The following LACC1 variants were observed in gnomAD, a reference collection of about 807,000 sequenced individuals.
LACC1 encodes purine nucleoside phosphorylase LACC1.
A neutral mutation model predicts 34.8 loss-of-function variants in LACC1; 25 were observed. The ratio of observed to expected loss-of-function variants is 0.72; its 90% confidence interval spans 0.52 to 1.00. The LOEUF is 1.00. Among genes scored for constraint, LACC1 ranks in the 50% least tolerant of loss-of-function variants. The pLI is 0.00. For synonymous variants in LACC1, 162 were observed against 168.0 expected (o/e 0.96, Z 0.28); for missense variants, 426 against 511.2 (o/e 0.83, Z 1.61).
In LACC1 at chr13:43,893,689, G is replaced by A. The variant is rs1486218439; in HGVS notation, c.*2242G>A. ...AAAACACCTCATTTTTTCCAATTCA[G>A]GGAAGGCACTAAACATAAAGCATAG... On this transcript the variant is annotated 3_prime_UTR_variant, in exon 7 of 7. Transcript: ENST00000325686. 2 of 151,890 alleles carry A rather than the reference G, an allele frequency of 1.3e-5. No individual in the cohort carries two copies. Among genetic ancestry groups the A allele is most frequent in the Non-Finnish European group, 3.0e-5 (2 of 67,796 alleles). The allele number at this position is 151,890 out of a possible 1,614,324, so 9.4% of individuals were successfully genotyped here. A position where few individuals can be genotyped will look rare whatever the true frequency, so the allele number is the denominator to read the frequency against.
rs1202741928 is a variant in LACC1, at chr13:43,883,800, G to C, written c.771G>C (p.Met257Ile). 2.3e-5 allele frequency: 37 copies of C among 1,612,876 alleles called. No individual in the cohort carries two copies. Among genetic ancestry groups the C allele is most frequent in the Non-Finnish European group, 2.7e-5 (32 of 1,179,348 alleles). ...ATCATTCCAATGACATCTGGATTATGGGAAGAAAGGAGCCTGACTCTTATG... is the reference window on the plus strand; with the variant it reads ...ATCATTCCAATGACATCTGGATTATCGGAAGAAAGGAGCCTGACTCTTATG... ...KTHHSNDIWI[M>I]GRKEPDSYDG... Residue 257 changes from methionine (M) to isoleucine (I), a missense_variant, in exon 4 of 7, where the codon ATG becomes ATC. This residue lies in a region of LACC1 where 209 missense variants were observed against 300.3 expected (regional missense o/e 0.70). Transcript: ENST00000325686.
At chr13:43,884,041 T>G in intron 4 of LACC1, 105 bp downstream of exon 4, 1 of 859,728 alleles carries the variant, frequency 1.2e-6, no homozygotes, top group Non-Finnish European at 1.8e-6. Context: ...TACATTACAC[T>G]GTGGTAAGTG....
At position 43,880,101 on chromosome 13, in the gene LACC1, G is replaced by C. The variant is rs991364128; in HGVS notation, c.-53G>C. The C allele has an allele frequency of 6.6e-6, 1 of 152,392 alleles. No individual in the cohort carries two copies. The highest frequency in any genetic ancestry group is 2.1e-4 in the South Asian group (1 of 4,822). 9.4% of individuals were successfully genotyped at this position (152,392 alleles called of 1,614,324 possible). On this transcript the variant is annotated 5_prime_UTR_variant, in exon 1 of 7. Transcript: ENST00000325686. ...GGGCAGGTGCAGAGCCACAGCCTGC[G>C]CCCCGTGAGCCGAGGCGGGTAGGAG...
Position 43,891,613 on chromosome 13 carries a change from A to C in LACC1, c.*166A>C. ...TTCAAAGCCAAATGATTTTCATTTA[A>C]TTGTAATAATAACTGACAAAAATCA... On this transcript the variant is annotated 3_prime_UTR_variant, in exon 7 of 7. Coordinates refer to ENST00000325686, the MANE Select transcript of LACC1 (RefSeq NM_153218.4). 6.4e-6 allele frequency: 5 copies of C among 778,202 alleles called. No individual in the cohort carries two copies. Among genetic ancestry groups the C allele is most frequent in the Non-Finnish European group, 7.8e-6 (5 of 641,124 alleles). 48.2% of individuals were successfully genotyped at this position (778,202 alleles called of 1,614,324 possible).
chr13:43,885,136 G>A (rs1177488893), intron 4 of LACC1, among the ~76,000 whole-genome samples: 3 of 152,162 alleles, frequency 2.0e-5, no homozygotes, highest in African/African-American at 7.2e-5. Flanking sequence ...AACATTCCAT[G>A]CTCATGGATA....
At chr13:43,891,094 C>A (rs1485570576) in intron 6 of LACC1, among the ~76,000 whole-genome samples, 1 of 152,130 alleles carries the variant, frequency 6.6e-6, no homozygotes, top group Non-Finnish European at 1.5e-5. Flanking sequence ...TGTCTGTAAA[C>A]AGTAAAATAA....
chr13:43,891,412 G>A, intron 6 of LACC1, 37 bp from the exon 7 acceptor site: 6 of 953,512 alleles, frequency 6.3e-6, no homozygotes, highest in African/African-American at 1.8e-5. Context: ...AATAACACCA[G>A]TAAGCGTCTC....
At position 43,883,801 on chromosome 13, in the gene LACC1, G is replaced by A; in HGVS notation, c.772G>A (p.Gly258Arg). ...THHSNDIWIMGRKEPDSYDGI... is the reference protein window; with the variant it reads ...THHSNDIWIMRRKEPDSYDGI... ...TCATTCCAATGACATCTGGATTATG[G>A]GAAGAAAGGAGCCTGACTCTTATGA... Residue 258 changes from glycine to arginine, a missense_variant, in exon 4 of 7, where the codon GGA becomes AGA. By Grantham distance (125) the Gly-to-Arg change is moderately radical (BLOSUM62 -2). Transcript: ENST00000325686. The A allele has an allele frequency of 1.2e-6, 2 of 1,612,948 alleles. No individual in the cohort carries two copies. The highest frequency in any genetic ancestry group is 2.2e-5 in the South Asian group (2 of 90,950).
At chr13:43,889,222 T>C (rs939584532) in intron 5 of LACC1, among the ~76,000 whole-genome samples, 5 of 152,182 alleles carry the variant, frequency 3.3e-5, no homozygotes, top group African/African-American at 1.2e-4. Flanking sequence ...GGAAGAAATA[T>C]TTGGCATTTA....
intron 6 of LACC1, among the ~76,000 whole-genome samples, 178 bp from the exon 7 acceptor site, chr13:43,891,271 A>G (rs1955559582): frequency 6.6e-6 from 1 of 152,186 alleles, no homozygotes; most frequent in East Asian, 1.9e-4. Context: ...CTGCCCCTAT[A>G]AGATATGTGT....
At chr13:43,890,373 T>C in intron 6 of LACC1, 99 bp downstream of exon 6, 1 of 917,618 alleles carries the variant, frequency 1.1e-6, no homozygotes. Flanking sequence ...AGCCTATTCC[T>C]CCCCTTATTT....
chr13:43,890,447 T>C (rs73467514), intron 6 of LACC1, among the ~76,000 whole-genome samples, 173 bp downstream of exon 6: 1,628 of 152,274 alleles, frequency 0.011, 29 homozygotes, highest in African/African-American at 0.037. Context: ...ATGATGTTTC[T>C]ACTTTTTTAG....
upstream of LACC1, chr13:43,879,505 ACCGC>A (rs1954811953): frequency 6.6e-6 from 1 of 152,106 alleles, no homozygotes; most frequent in Non-Finnish European, 1.5e-5. Context: ...GACTCCGCGG[ACCGC>A]CCAGACCCGG....
At chr13:43,883,582 T>C (rs1407325562) in intron 3 of LACC1, among the ~76,000 whole-genome samples, 189 bp from the exon 4 acceptor site, 1 of 149,404 alleles carries the variant, frequency 6.7e-6, no homozygotes, top group African/African-American at 2.5e-5. Flanking sequence ...GATTATAATC[T>C]AAAATCTTAA....
intron 3 of LACC1, among the ~76,000 whole-genome samples, chr13:43,882,650 G>A (rs1955130740): frequency 6.7e-6 from 1 of 150,332 alleles, no homozygotes; most frequent in African/African-American, 2.4e-5. Flanking sequence ...GTGACTTTAA[G>A]TGAAACGACA....
Position 43,888,852 on chromosome 13 carries a change from G to A in LACC1, c.1003G>A (p.Gly335Arg). Reference protein sequence around the residue: ...CSLEDIVVVLGPSVGPCCFTL... With the variant: ...CSLEDIVVVLRPSVGPCCFTL... ...TTTGGAAGACATTGTTGTTGTACTTGGACCTTCAGTAGGACCTTGCTGTTT... is the reference window on the plus strand; with the variant it reads ...TTTGGAAGACATTGTTGTTGTACTTAGACCTTCAGTAGGACCTTGCTGTTT... Residue 335 changes from glycine to arginine, a missense_variant, in exon 5 of 7, where the codon GGA becomes AGA. Physicochemically the swap from Gly to Arg is moderately radical, Grantham distance 125. Coordinates refer to ENST00000325686, the MANE Select transcript of LACC1 (RefSeq NM_153218.4). The A allele has an allele frequency of 6.2e-7, 1 of 1,613,846 alleles. No individual in the cohort carries two copies.
intron 4 of LACC1, among the ~76,000 whole-genome samples, chr13:43,886,361 G>A (rs1437714696): frequency 6.6e-6 from 1 of 152,150 alleles, no homozygotes; most frequent in African/African-American, 2.4e-5. Flanking sequence ...CAACTTAGAT[G>A]CCCATCAGTG....
In LACC1 at chr13:43,880,971, A is replaced by G. The variant is rs1237122403; in HGVS notation, c.-15A>G. 6.3e-7 allele frequency: 1 copy of G among 1,597,064 alleles called. No homozygotes were observed. Among genetic ancestry groups the G allele is most frequent in the East Asian group, 2.2e-5 (1 of 44,722 alleles). On this transcript the variant is annotated 5_prime_UTR_variant, in exon 2 of 7. Coordinates refer to ENST00000325686, the MANE Select transcript of LACC1 (RefSeq NM_153218.4). ...TTGCAGGTGATTTATTTGGCATAAA[A>G]GTATTCTTTCAAGGATGGCAGAAGC...
chr13:43,891,371 A>G (rs1257608335), intron 6 of LACC1, 78 bp from the exon 7 acceptor site: 4 of 685,772 alleles, frequency 5.8e-6, no homozygotes, highest in Admixed American at 6.3e-5. Context: ...AAAAACTTTA[A>G]TAGACTTCAT....
Sources: allele counts gnomAD v4.1 joint callset (sites outside exome capture counted in the v4.1 genomes callset), GRCh38; gene constraint gnomAD v4.1.1; regional missense constraint gnomAD v4.1.1; transcripts MANE v1.5; gene names NCBI Gene and HGNC (gene_info 2026-07-23, HGNC 2026-07-21).